Variants in RALYL observed in about 807,000 individuals in gnomAD.
The protein encoded by RALYL is RNA-binding Raly-like protein.
Under a neutral mutation model 35.1 loss-of-function variants are expected in RALYL, and 29 were observed. That is an observed-to-expected ratio of 0.83 (90% CI 0.61 to 1.13). RALYL has a LOEUF of 1.13. RALYL is among the 50% of genes most tolerant of loss of function. The probability of loss-of-function intolerance (pLI) is 0.00; values close to 1 mark genes in which losing one functional copy is unlikely to be tolerated. For missense variants in RALYL, 359 were observed against 360.4 expected (o/e 1.00, Z 0.03); for synonymous variants, 120 against 127.6 (o/e 0.94, Z 0.40).
At chr8:84,633,710 A>G (rs1588650078) in intron 2 of RALYL, among the ~76,000 whole-genome samples, 2 of 151,866 alleles carry the variant, frequency 1.3e-5, no homozygotes, top group African/African-American at 2.4e-5. Context: ...TACTTTTTGT[A>G]TATATGCAAA....
chr8:84,893,651 A>G (rs1844251215), intron 8 of RALYL, among the ~76,000 whole-genome samples: 1 of 152,170 alleles, frequency 6.6e-6, no homozygotes. Flanking sequence ...CTTACACTCA[A>G]TACCTGGGGT....
intron 1 of RALYL, among the ~76,000 whole-genome samples, chr8:84,413,810 A>G (rs151127527): frequency 6.6e-6 from 1 of 152,196 alleles, no homozygotes; most frequent in East Asian, 1.9e-4. Flanking sequence ...AGTGAAATCA[A>G]TATCAGCTTA....
rs548196516 is a variant in RALYL, at chr8:84,639,253, T to C, written c.256+109676T>C. On this transcript the variant is annotated intron_variant, in intron 2 of 8. Coordinates refer to ENST00000521268, the MANE Select transcript of RALYL (RefSeq NM_173848.7). ...CTGCTAGAGAAAAAGAAAAAACATA[T>C]GGCAGTTAGAACATAGAGAAAAAGA... Among the ~76,000 whole-genome samples, 14 of 151,826 alleles carry C rather than the reference T, an allele frequency of 9.2e-5. No homozygotes were observed. In the East Asian group the frequency reaches 2.7e-3, roughly 30 times the overall value.
At chr8:84,635,760 G>A (rs1588661521) in intron 2 of RALYL, among the ~76,000 whole-genome samples, 1 of 151,798 alleles carries the variant, frequency 6.6e-6, no homozygotes, top group East Asian at 1.9e-4. Context: ...ACGGCTCTTA[G>A]CATGGTGCGC....
intron 2 of RALYL, among the ~76,000 whole-genome samples, chr8:84,760,427 A>T (rs926350086): frequency 6.6e-6 from 1 of 152,092 alleles, no homozygotes; most frequent in Non-Finnish European, 1.5e-5. Context: ...TATAAGTATC[A>T]CATTTTATAA....
chr8:84,566,871 G>C (rs1324868195), intron 2 of RALYL, among the ~76,000 whole-genome samples: 1 of 151,564 alleles, frequency 6.6e-6, no homozygotes, highest in Admixed American at 6.6e-5. Flanking sequence ...ACAGAATTAT[G>C]CTGTCTATGA....
At chr8:84,236,935 A>G (rs939858960) in intron 1 of RALYL, among the ~76,000 whole-genome samples, 1 of 152,180 alleles carries the variant, frequency 6.6e-6, no homozygotes, top group African/African-American at 2.4e-5. Flanking sequence ...CTTAATTAGC[A>G]CCTAATTAGT....
At chr8:84,771,520 A>G (rs910649558) in intron 2 of RALYL, among the ~76,000 whole-genome samples, 2 of 152,122 alleles carry the variant, frequency 1.3e-5, no homozygotes, top group Non-Finnish European at 2.9e-5. Context: ...TGCATTCTAC[A>G]CAAATTCTAT....
intron 2 of RALYL, among the ~76,000 whole-genome samples, chr8:84,630,477 A>G (rs1823681084): frequency 6.6e-6 from 1 of 152,036 alleles, no homozygotes; most frequent in Admixed American, 6.6e-5. Context: ...TAGAATATGC[A>G]TAGTTTCAAA....
At chr8:84,403,801 C>A (rs1255286526) in intron 1 of RALYL, among the ~76,000 whole-genome samples, 3 of 151,904 alleles carry the variant, frequency 2.0e-5, no homozygotes, top group African/African-American at 7.3e-5. Flanking sequence ...AATATTGATT[C>A]TTCCTATCCA....
At chr8:84,320,090 C>A (rs1844516174) in intron 1 of RALYL, among the ~76,000 whole-genome samples, 1 of 151,916 alleles carries the variant, frequency 6.6e-6, no homozygotes, top group South Asian at 2.1e-4. Context: ...AGTTGGAATT[C>A]TAATTTTCTG....
intron 8 of RALYL, among the ~76,000 whole-genome samples, chr8:84,890,707 T>C (rs6473569): frequency 0.46 from 69,669 of 152,006 alleles, 18,990 homozygotes; most frequent in African/African-American, 0.75. Context: ...GTTATCACGT[T>C]ATCAATCTGC....
chr8:84,808,902 C>G (rs902138010), intron 4 of RALYL, among the ~76,000 whole-genome samples: 2 of 152,098 alleles, frequency 1.3e-5, no homozygotes, highest in Non-Finnish European at 1.5e-5. Context: ...TAGGAGCTTT[C>G]TGGAGGAGTC....
chr8:84,670,952 A>T (rs933224565), intron 2 of RALYL, among the ~76,000 whole-genome samples: 10 of 152,172 alleles, frequency 6.6e-5, no homozygotes, highest in Non-Finnish European at 1.3e-4. Context: ...CCACAGTTCA[A>T]AGTCTCATCT....
chr8:84,390,714 G>A (rs1034468141), intron 1 of RALYL, among the ~76,000 whole-genome samples: 3 of 151,650 alleles, frequency 2.0e-5, no homozygotes, highest in Non-Finnish European at 4.4e-5. Flanking sequence ...TTTACTGGAA[G>A]GTGGTTCTTT....
At chr8:84,902,981 G>A (rs1177367306) in intron 8 of RALYL, among the ~76,000 whole-genome samples, 1 of 152,102 alleles carries the variant, frequency 6.6e-6, no homozygotes, top group Non-Finnish European at 1.5e-5. Flanking sequence ...TACTTTGGGA[G>A]TCCAAAGTAG....
At chr8:84,205,105 A>T (rs1817758014) in intron 1 of RALYL, among the ~76,000 whole-genome samples, 1 of 152,164 alleles carries the variant, frequency 6.6e-6, no homozygotes, top group South Asian at 2.1e-4. Context: ...CTAGGATTTG[A>T]TTATTTACAA....
At chr8:84,246,576 A>G (rs1483098232) in intron 1 of RALYL, among the ~76,000 whole-genome samples, 3 of 152,134 alleles carry the variant, frequency 2.0e-5, no homozygotes, top group African/African-American at 7.2e-5. Context: ...TTCTCACAAT[A>G]AGAAACTGCC....
intron 2 of RALYL, among the ~76,000 whole-genome samples, chr8:84,648,990 T>C (rs142899597): frequency 6.6e-6 from 1 of 152,060 alleles, no homozygotes; most frequent in Non-Finnish European, 1.5e-5. Context: ...CACATGGTGC[T>C]CATTCATAGA....
Sources: gnomAD v4.1 joint callset for allele counts (sites outside exome capture counted in the v4.1 genomes callset) on GRCh38, gnomAD v4.1.1 for gene constraint, MANE v1.5 for transcripts, NCBI Gene and HGNC (gene_info 2026-07-23, HGNC 2026-07-21) for gene names.